LHX2: variants seen among roughly 807,000 people sequenced by gnomAD.
The protein encoded by LHX2 is LIM homeobox 2.
In LHX2, 6 loss-of-function variants were observed where a neutral mutation model predicts 33.0. The observed-to-expected ratio is 0.18, with a 90% CI of 0.10 to 0.36. The LOEUF is 0.36. Among genes scored for constraint, LHX2 ranks in the 10% least tolerant of loss-of-function variants. The pLI is 1.00. For synonymous variants in LHX2, 292 were observed against 253.1 expected, an observed-to-expected ratio of 1.15 and a Z score of -1.46; for missense variants, 442 against 586.2, an observed-to-expected ratio of 0.75 and a Z score of 2.54.
Position 124,015,511 on chromosome 9 carries a change from C to A in LHX2, c.713C>A (p.Ala238Glu). Reference sequence around the variant, plus strand: ...AGCCCGGGCCCCGGTGCGGATCTGGCGGCCTACAACGCTGGTGAGTGCGCG... The same window carrying A: ...AGCCCGGGCCCCGGTGCGGATCTGGAGGCCTACAACGCTGGTGAGTGCGCG... ...RKSPGPGADL[A>E]AYNAALSCNE... is the part of the protein sequence containing the mutation. The change falls in exon 3 of 5, where the codon GCG becomes GAG. Residue 238 changes from alanine to glutamate, a missense_variant. Ala to Glu is a moderately radical substitution (Grantham distance 107). Coordinates refer to ENST00000373615, the MANE Select transcript of LHX2 (RefSeq NM_004789.4). This position sits in a 1 kb window ranked among gnomAD's most constrained non-coding sequence, Gnocchi z 7.9. The A allele has an allele frequency of 6.8e-7, 1 of 1,464,314 alleles. No individual in the cohort carries two copies. The highest frequency in any genetic ancestry group is 1.4e-5 in the South Asian group (1 of 69,398). 90.7% of individuals were successfully genotyped at this position (1,464,314 alleles called of 1,614,324 possible).
chr9:124,029,528 C>G (rs1381188737), intron 4 of LHX2, among the ~76,000 whole-genome samples: 1 of 152,156 alleles, frequency 6.6e-6, no homozygotes, highest in African/African-American at 2.4e-5. Context: ...TGCCTCAGCT[C>G]TGGAAAGCAG....
intron 4 of LHX2, among the ~76,000 whole-genome samples, chr9:124,029,409 G>A (rs1286303282): frequency 6.6e-6 from 1 of 152,102 alleles, no homozygotes; most frequent in Non-Finnish European, 1.5e-5. Context: ...GAAATACCTG[G>A]GAGAGAATTC....
rs1178418330 is a variant in LHX2 at position 124,015,360 on chromosome 9, G to GCGC, written c.564_565insCCG (p.Ala188_Ala189insPro). 5 of 1,610,074 alleles carry GCGC rather than the reference G, an allele frequency of 3.1e-6. No homozygotes were observed. In the South Asian group the frequency reaches 5.5e-5, roughly 18 times the overall value. On this transcript the variant is annotated inframe_insertion, in exon 3 of 5. Transcript: ENST00000373615. The surrounding 1 kb of genome is among the most constrained non-coding windows in gnomAD (Gnocchi z 7.9). ...ACACTTCAACCATGCCGACGTGGCAGCGGCGGCCGCTGCAGCCGCGGCGGC... is the reference window on the plus strand; with the variant it reads ...ACACTTCAACCATGCCGACGTGGCAGCGCCGGCGGCCGCTGCAGCCGCGGCGGC...
Position 124,015,660 on chromosome 9 carries a change from A to C in LHX2, c.727+135A>C. On this transcript the variant is annotated intron_variant, in intron 3 of 4. Transcript: ENST00000373615. The surrounding 1 kb of genome is among the most constrained non-coding windows in gnomAD (Gnocchi z 7.9). ...AGCACCGGACGGCCTCGCAGAAGGG[A>C]CATTAGCCCCCTGGGCTTCCAGACT... is the stretch of plus-strand genomic sequence containing the variant. 1 of 990,770 alleles carries C rather than the reference A, an allele frequency of 1.0e-6. No individual in the cohort carries two copies. Among genetic ancestry groups the C allele is most frequent in the South Asian group, 1.9e-5 (1 of 52,610 alleles). The allele number at this position is 990,770 out of a possible 1,614,324, so 61.4% of individuals were successfully genotyped here. A position where few individuals can be genotyped will look rare whatever the true frequency, so the allele number is the denominator to read the frequency against.
intron 1 of LHX2, among the ~76,000 whole-genome samples, chr9:124,013,338 C>A (rs1859126254): frequency 6.6e-6 from 1 of 152,214 alleles, no homozygotes; most frequent in Non-Finnish European, 1.5e-5. Context: ...TTGGGTTGAA[C>A]CTGTCCTTCA....
At chr9:124,020,768 G>A (rs1408346068) in intron 3 of LHX2, among the ~76,000 whole-genome samples, 1 of 152,112 alleles carries the variant, frequency 6.6e-6, no homozygotes, top group African/African-American at 2.4e-5. Flanking sequence ...GAGTTCAATC[G>A]GCCATCAACA....
chr9:124,014,204 CA>C lies in LHX2; in HGVS notation c.323+43del, dbSNP rs1859143590. 7.3e-7 allele frequency: 1 copy of C among 1,368,700 alleles called. No homozygotes were observed. Among genetic ancestry groups the C allele is most frequent in the African/African-American group, 1.5e-5 (1 of 65,510 alleles). 84.8% of individuals were successfully genotyped at this position (1,368,700 alleles called of 1,614,324 possible). Reference sequence around the variant, plus strand: ...AACTGCCCCTCAGGACCCCTCCCCCCAATCTCAGGCACAGTCTTACAGTTTG... The same window carrying C: ...AACTGCCCCTCAGGACCCCTCCCCCCATCTCAGGCACAGTCTTACAGTTTG... On this transcript the variant is annotated intron_variant, in intron 2 of 4. Transcript: ENST00000373615. This position sits in a 1 kb window ranked among gnomAD's most constrained non-coding sequence, Gnocchi z 4.8.
chr9:124,012,434 T>C lies in LHX2; in HGVS notation c.86T>C (p.Ile29Thr). ...DRRAKSEAPA[I>T]SSAIDRGDTE... is the part of the protein sequence containing the mutation. ...AGGGCCAAGAGCGAGGCTCCCGCCA[T>C]CAGCTCCGCCATCGACCGCGGCGAC... Residue 29 changes from isoleucine (I) to threonine (T), a missense_variant, in exon 1 of 5, where the codon ATC becomes ACC. Physicochemically the swap from Ile to Thr is moderately conservative, Grantham distance 89. Coordinates refer to ENST00000373615, the MANE Select transcript of LHX2 (RefSeq NM_004789.4). The surrounding 1 kb of genome is among the most constrained non-coding windows in gnomAD (Gnocchi z 4.3). 6.5e-7 allele frequency: 1 copy of C among 1,542,118 alleles called. No homozygotes were observed. The highest frequency in any genetic ancestry group is 8.7e-7 in the Non-Finnish European group (1 of 1,150,430).
At position 124,012,298 on chromosome 9, in the gene LHX2, C is replaced by A; in HGVS notation, c.-51C>A. On this transcript the variant is annotated 5_prime_UTR_variant, in exon 1 of 5. Coordinates refer to ENST00000373615, the MANE Select transcript of LHX2 (RefSeq NM_004789.4). This position sits in a 1 kb window ranked among gnomAD's most constrained non-coding sequence, Gnocchi z 4.3. ...AGCGCCAGGCAGCTGAGGCGGGGGGCAAGCCCTCCCTCGGAGGAGCCGCGC... is the reference window on the plus strand; with the variant it reads ...AGCGCCAGGCAGCTGAGGCGGGGGGAAAGCCCTCCCTCGGAGGAGCCGCGC... 6.9e-7 allele frequency: 1 copy of A among 1,456,628 alleles called. No homozygotes were observed. Among genetic ancestry groups the A allele is most frequent in the Non-Finnish European group, 9.0e-7 (1 of 1,109,052 alleles). The allele number at this position is 1,456,628 out of a possible 1,614,324, so 90.2% of individuals were successfully genotyped here.
Position 124,032,810 on chromosome 9 carries a change from A to C in LHX2, c.*103A>C. The C allele has an allele frequency of 8.0e-6, 10 of 1,251,930 alleles. No individual in the cohort carries two copies. The highest frequency in any genetic ancestry group is 9.9e-6 in the Non-Finnish European group (9 of 908,124). The allele number at this position is 1,251,930 out of a possible 1,614,324, so 77.6% of individuals were successfully genotyped here. Reference sequence around the variant, plus strand: ...AGAGGCTTTGAGCAACTAACTAACCACATTTTAGGATCTCGCCTGGAAACA... The same window carrying C: ...AGAGGCTTTGAGCAACTAACTAACCCCATTTTAGGATCTCGCCTGGAAACA... On this transcript the variant is annotated 3_prime_UTR_variant, in exon 5 of 5. Coordinates refer to ENST00000373615, the MANE Select transcript of LHX2 (RefSeq NM_004789.4). The surrounding 1 kb of genome is among the most constrained non-coding windows in gnomAD (Gnocchi z 4.1).
rs745984084 is a variant in LHX2, at chr9:124,015,373, C to A, written c.575C>A (p.Ala192Glu). Residue 192 changes from alanine (A) to glutamate (E), a missense_variant, in exon 3 of 5, where the codon GCA (alanine) becomes GAA (glutamate). Around this residue, in one of 5 missense-constraint regions of LHX2, gnomAD observed 132 missense variants for 139.1 expected, o/e 0.95. Transcript: ENST00000373615. The surrounding 1 kb of genome is among the most constrained non-coding windows in gnomAD (Gnocchi z 7.9). ...NHADVAAAAA[A>E]AAAAKSAGLG... Reference sequence around the variant, plus strand: ...GCCGACGTGGCAGCGGCGGCCGCTGCAGCCGCGGCGGCCAAGAGCGCGGGG... The same window carrying A: ...GCCGACGTGGCAGCGGCGGCCGCTGAAGCCGCGGCGGCCAAGAGCGCGGGG... 5.0e-6 allele frequency: 8 copies of A among 1,609,784 alleles called. No individual in the cohort carries two copies. Among genetic ancestry groups the A allele is most frequent in the Non-Finnish European group, 6.8e-6 (8 of 1,177,968 alleles).
At chr9:124,023,144 G>A (rs1033564993) in intron 4 of LHX2, among the ~76,000 whole-genome samples, 2 of 152,148 alleles carry the variant, frequency 1.3e-5, no homozygotes, top group Non-Finnish European at 2.9e-5. Flanking sequence ...TGAGGACTTG[G>A]GGTTGGGCTG....
chr9:124,024,009 C>T (rs1828565244), intron 4 of LHX2, among the ~76,000 whole-genome samples: 1 of 152,242 alleles, frequency 6.6e-6, no homozygotes, highest in African/African-American at 2.4e-5. Flanking sequence ...CCCCAAATCA[C>T]ACTTTATAGT....
In LHX2 at chr9:124,027,172, T is replaced by G. The variant is rs556335620; in HGVS notation, c.934-5248T>G. On this transcript the variant is annotated intron_variant, in intron 4 of 4. Transcript: ENST00000373615. ...GATTTCCAGTTCAGTGCTTATTACTTTTGGTTCTTTAAAGAAAACTTCTTT... is the reference window on the plus strand; with the variant it reads ...GATTTCCAGTTCAGTGCTTATTACTGTTGGTTCTTTAAAGAAAACTTCTTT... 6.6e-5 allele frequency among the ~76,000 whole-genome samples: 10 copies of G among 152,296 alleles called. No homozygotes were observed. The South Asian group carries it at 2.1e-3, about 32-fold the overall frequency.
At chr9:124,020,324 G>A (rs1409477408) in intron 3 of LHX2, among the ~76,000 whole-genome samples, 2 of 152,088 alleles carry the variant, frequency 1.3e-5, no homozygotes, top group East Asian at 1.9e-4. Flanking sequence ...GACTGCCGCA[G>A]ATCTCTGAAC....
intron 1 of LHX2, 88 bp from the exon 2 acceptor site, chr9:124,013,870 ACAG>A (rs1368029439): frequency 8.2e-7 from 1 of 1,212,898 alleles, no homozygotes; most frequent in African/African-American, 1.5e-5. Flanking sequence ...AGCCAAGGCC[ACAG>A]AGGGAGTTGT....
Position 124,014,904 on chromosome 9 carries a change from G to A in LHX2, c.324-218G>A, listed in dbSNP as rs1241943897. On this transcript the variant is annotated intron_variant, in intron 2 of 4. Transcript: ENST00000373615. The surrounding 1 kb of genome is among the most constrained non-coding windows in gnomAD (Gnocchi z 4.8). ...TGCGGAGACTCTGGGTGAAGTAGAA[G>A]TCTCTGTAGGCATAAGTGTGTTAAG... is the stretch of plus-strand genomic sequence containing the variant. Among the ~76,000 whole-genome samples, 1 of 152,162 alleles carries A rather than the reference G, an allele frequency of 6.6e-6. No homozygotes were observed. Among genetic ancestry groups the A allele is most frequent in the Admixed American group, 6.5e-5 (1 of 15,282 alleles).
Position 124,014,227 on chromosome 9 carries a change from T to A in LHX2, c.323+64T>A. The A allele has an allele frequency of 8.8e-7, 1 of 1,136,310 alleles. No homozygotes were observed. Among genetic ancestry groups the A allele is most frequent in the Non-Finnish European group, 1.3e-6 (1 of 784,246 alleles). 70.4% of individuals were successfully genotyped at this position (1,136,310 alleles called of 1,614,324 possible). A position where few individuals can be genotyped will look rare whatever the true frequency, so the allele number is the denominator to read the frequency against. On this transcript the variant is annotated intron_variant, in intron 2 of 4. Transcript: ENST00000373615. The surrounding 1 kb of genome is among the most constrained non-coding windows in gnomAD (Gnocchi z 4.8). The stretch of plus-strand genomic sequence containing the variant: ...CCCAATCTCAGGCACAGTCTTACAG[T>A]TTGGCCCTCTCCTTTCCGTTTAGTC...
intron 4 of LHX2, among the ~76,000 whole-genome samples, chr9:124,024,353 C>A (rs1047864223): frequency 3.3e-5 from 5 of 152,268 alleles, no homozygotes; most frequent in Admixed American, 3.3e-4. Flanking sequence ...GATACAGGAG[C>A]CAGGCATTGG....
Sources: allele counts gnomAD v4.1 joint callset (sites outside exome capture counted in the v4.1 genomes callset), GRCh38; gene constraint gnomAD v4.1.1; regional missense constraint gnomAD v4.1.1; non-coding constraint Gnocchi (gnomAD v3.1); transcripts MANE v1.5; gene names NCBI Gene and HGNC (gene_info 2026-07-23, HGNC 2026-07-21).